The following IKBKB variants were observed in gnomAD, a reference collection of about 807,000 sequenced individuals.
The protein encoded by IKBKB is inhibitor of nuclear factor kappa B kinase subunit beta, also known as inhibitor of nuclear factor kappa-B kinase subunit beta.
A neutral mutation model predicts 113.6 loss-of-function variants in IKBKB; 42 were observed. The ratio of observed to expected loss-of-function variants is 0.37; its 90% CI spans 0.29 to 0.48. The LOEUF is 0.48. Among genes scored for constraint, IKBKB ranks in the 20% least tolerant of loss-of-function variants. The pLI, the probability that IKBKB is intolerant of heterozygous loss-of-function variation, is 0.99. For synonymous variants in IKBKB, 296 were observed against 361.3 expected (o/e 0.82, Z 2.05); for missense variants, 673 against 939.7 (o/e 0.72, Z 3.71).
chr8:42,300,509 A>G (rs1285580361), intron 5 of IKBKB, among the ~76,000 whole-genome samples: 1 of 151,630 alleles, frequency 6.6e-6, no homozygotes, highest in Non-Finnish European at 1.5e-5. Context: ...CCCTTATAAA[A>G]CTGCTTTCTT....
intron 15 of IKBKB, 54 bp downstream of exon 15, chr8:42,319,700 T>C: frequency 7.1e-7 from 1 of 1,406,596 alleles, no homozygotes; most frequent in Non-Finnish European, 9.7e-7. Context: ...GATTTTGTGC[T>C]CCCACTTTTC....
At chr8:42,272,932 T>C (rs1258140127) in intron 2 of IKBKB, among the ~76,000 whole-genome samples, 1 of 104,148 alleles carries the variant, frequency 9.6e-6, no homozygotes, top group African/African-American at 4.7e-5. Context: ...AGAGTGAGAC[T>C]CCGTCTCAAA....
chr8:42,272,005 C>T, intron 1 of IKBKB, 78 bp from the exon 2 acceptor site: 1 of 1,396,976 alleles, frequency 7.2e-7, no homozygotes, highest in Non-Finnish European at 9.8e-7. Flanking sequence ...GCAGTGGTAT[C>T]TCTTGCCTTC....
intron 8 of IKBKB, among the ~76,000 whole-genome samples, chr8:42,312,133 G>T (rs998089069): frequency 6.6e-6 from 1 of 152,178 alleles, no homozygotes; most frequent in South Asian, 2.1e-4. Flanking sequence ...TGAACTGCCC[G>T]CCTCGGCCTC....
At chr8:42,313,985 A>G (rs1818205659) in intron 8 of IKBKB, 3 of 234,302 alleles carry the variant, frequency 1.3e-5, no homozygotes, top group African/African-American at 6.8e-5. Flanking sequence ...TTTCATTGAC[A>G]TCCCAGTCAA....
Position 42,319,344 on chromosome 8 carries a change from A to T in IKBKB, c.1439A>T (p.Lys480Met). Residue 480 changes from lysine (K) to methionine (M), a missense_variant, in exon 14 of 22, where the codon AAG (lysine) becomes ATG (methionine). Transcript: ENST00000520810. ...ATGGCTTCCATGTCTCAGCAGCTCA[A>T]GGCCAAGTTGGATTTCTTCAAAACC... The part of the protein sequence containing the change: ...NSMASMSQQL[K>M]AKLDFFKTSI... The T allele has an allele frequency of 6.2e-7, 1 of 1,614,204 alleles. No individual in the cohort carries two copies.
chr8:42,316,099 C>A lies in IKBKB; in HGVS notation c.801-111C>A. On this transcript the variant is annotated intron_variant, in intron 9 of 21. Transcript: ENST00000520810. This position sits in a 1 kb window ranked among gnomAD's most constrained non-coding sequence, Gnocchi z 4.5. ...ATACTGTTTCTGATAAACCCATTTT[C>A]ATTTTCAATCACCGTCTACTGGCTG... 8.4e-7 allele frequency: 1 copy of A among 1,183,742 alleles called. No individual in the cohort carries two copies. Among genetic ancestry groups the A allele is most frequent in the Non-Finnish European group, 1.2e-6 (1 of 842,602 alleles). The allele number at this position is 1,183,742 out of a possible 1,614,324, so 73.3% of individuals were successfully genotyped here.
intron 2 of IKBKB, among the ~76,000 whole-genome samples, chr8:42,273,753 A>T (rs561178143): frequency 6.6e-6 from 1 of 151,774 alleles, no homozygotes; most frequent in Admixed American, 6.6e-5. Context: ...TGGTCTCACA[A>T]TGTTGTCCAG....
At chr8:42,298,540 C>T (rs535840181) in intron 5 of IKBKB, 2 of 916,472 alleles carry the variant, frequency 2.2e-6, no homozygotes, top group East Asian at 1.2e-4. Flanking sequence ...TGCATGCATC[C>T]ATCTGACTGA....
rs908975055 is a variant in IKBKB, at chr8:42,274,796, C to G, written c.105+2591C>G. Among the ~76,000 whole-genome samples, 18 of 83,286 alleles carry G rather than the reference C, an allele frequency of 2.2e-4. 1 individual carries two copies. The highest frequency in any genetic ancestry group is 2.1e-3 in the South Asian group (5 of 2,432). The allele number at this position is 83,286 out of a possible 152,430, so 54.6% of individuals were successfully genotyped here. A position where few individuals can be genotyped will look rare whatever the true frequency, so the allele number is the denominator to read the frequency against. Reference sequence around the variant, plus strand: ...GATCCCCGCCGGCGCGCCCCCCCCCCCCCCCGCCATCCCAGCCTCCCAAAG... The same window carrying G: ...GATCCCCGCCGGCGCGCCCCCCCCCGCCCCCGCCATCCCAGCCTCCCAAAG... On this transcript the variant is annotated intron_variant, in intron 2 of 21. Transcript: ENST00000520810.
intron 7 of IKBKB, among the ~76,000 whole-genome samples, chr8:42,307,002 A>G (rs1816672342): frequency 6.6e-6 from 1 of 152,200 alleles, no homozygotes; most frequent in Non-Finnish European, 1.5e-5. Context: ...GTGGGGAAAA[A>G]AGACAAGCCC....
At chr8:42,277,729 AGTTCCTCTGGGCTG>A (rs1002571178) in intron 2 of IKBKB, among the ~76,000 whole-genome samples, 1 of 152,240 alleles carries the variant, frequency 6.6e-6, no homozygotes, top group African/African-American at 2.4e-5. Context: ...TCTCCCGGTG[AGTTCCTCTGGGCTG>A]GTTCCTGTGC....
Position 42,320,831 on chromosome 8 carries a change from A to T in IKBKB, c.1675A>T (p.Thr559Ser), listed in dbSNP as rs1182623073. 6.3e-7 allele frequency: 1 copy of T among 1,592,892 alleles called. No individual in the cohort carries two copies. Among genetic ancestry groups the T allele is most frequent in the Non-Finnish European group, 8.6e-7 (1 of 1,169,126 alleles). Residue 559 changes from threonine to serine, a missense_variant, in exon 16 of 22, where the codon ACG (threonine) becomes TCG (serine). Coordinates refer to ENST00000520810, the MANE Select transcript of IKBKB (RefSeq NM_001556.3). ...CCCCATGGGCCGGAAGCAGGGGGGA[A>T]CGCTGGACGACCTGTGAGTACTGGC... ...RSPMGRKQGGTLDDLEEQARE... is the reference protein window; with the variant it reads ...RSPMGRKQGGSLDDLEEQARE...
At chr8:42,311,079 G>T (rs1817608815) in intron 8 of IKBKB, among the ~76,000 whole-genome samples, 1 of 152,206 alleles carries the variant, frequency 6.6e-6, no homozygotes, top group Non-Finnish European at 1.5e-5. Context: ...AAAGGTTTTT[G>T]ATGCATATTA....
At chr8:42,325,283 T>C (rs1820528937) in intron 19 of IKBKB, 3 of 985,410 alleles carry the variant, frequency 3.0e-6, no homozygotes, top group Non-Finnish European at 3.6e-6. Context: ...TTGTTTCTTC[T>C]CAGCCAGGTC....
At chr8:42,326,726 A>G (rs1318598856) in intron 20 of IKBKB, among the ~76,000 whole-genome samples, 1 of 152,198 alleles carries the variant, frequency 6.6e-6, no homozygotes, top group Non-Finnish European at 1.5e-5. Flanking sequence ...CCAGCAGTGC[A>G]TCATCAAATT....
chr8:42,280,321 G>T (rs1348796860), intron 2 of IKBKB, among the ~76,000 whole-genome samples: 1 of 152,124 alleles, frequency 6.6e-6, no homozygotes, highest in African/African-American at 2.4e-5. Context: ...TCCACATTGT[G>T]TCGGGACTCC....
chr8:42,308,070 TA>T, intron 7 of IKBKB, among the ~76,000 whole-genome samples: 1 of 152,342 alleles, frequency 6.6e-6, no homozygotes, highest in African/African-American at 2.4e-5. Context: ...TGCCTGTTTC[TA>T]AATATCCTGG....
At chr8:42,281,273 T>A (rs1209229313) in intron 2 of IKBKB, among the ~76,000 whole-genome samples, 1 of 152,104 alleles carries the variant, frequency 6.6e-6, no homozygotes, top group African/African-American at 2.4e-5. Context: ...GAGCAGCATC[T>A]CCACAGGGCC....
Sources: allele counts gnomAD v4.1 joint callset (sites outside exome capture counted in the v4.1 genomes callset), GRCh38; gene constraint gnomAD v4.1.1; non-coding constraint Gnocchi (gnomAD v3.1); transcripts MANE v1.5; gene names NCBI Gene and HGNC (gene_info 2026-07-23, HGNC 2026-07-21).